The following NOS1AP variants were observed in gnomAD, a reference collection of about 807,000 sequenced individuals.
The protein encoded by NOS1AP is carboxyl-terminal PDZ ligand of neuronal nitric oxide synthase protein.
Under a neutral mutation model 56.2 loss-of-function variants are expected in NOS1AP, and 21 were observed. The observed-to-expected ratio is 0.37, with a 90% CI of 0.26 to 0.54. The LOEUF is 0.54. Among genes scored for constraint, NOS1AP ranks in the 20% least tolerant of loss-of-function variants. The probability of loss-of-function intolerance (pLI) is 0.84; values close to 1 mark genes in which losing one functional copy is unlikely to be tolerated. For synonymous variants in NOS1AP, 270 were observed against 274.6 expected, an observed-to-expected ratio of 0.98 and a Z score of 0.17; for missense variants, 522 against 657.8, an observed-to-expected ratio of 0.79 and a Z score of 2.26.
intron 2 of NOS1AP, among the ~76,000 whole-genome samples, chr1:162,267,865 T>C (rs12410644): frequency 0.25 from 37,985 of 152,112 alleles, 4,947 homozygotes; most frequent in East Asian, 0.39. Flanking sequence ...GAAGGGGCTA[T>C]TGATGGCAAG....
chr1:162,339,446 T>G (rs1657038810), intron 5 of NOS1AP, among the ~76,000 whole-genome samples: 1 of 152,114 alleles, frequency 6.6e-6, no homozygotes, highest in African/African-American at 2.4e-5. Context: ...GGCCAGATTT[T>G]GGAACTCAAA....
intron 2 of NOS1AP, among the ~76,000 whole-genome samples, chr1:162,252,519 C>T (rs1372261916): frequency 6.6e-6 from 1 of 152,126 alleles, no homozygotes; most frequent in Non-Finnish European, 1.5e-5. Context: ...GTGAGGTCAG[C>T]AAGCCCATTC....
intron 2 of NOS1AP, among the ~76,000 whole-genome samples, chr1:162,171,151 C>G (rs2102129626): frequency 6.6e-6 from 1 of 152,172 alleles, no homozygotes; most frequent in South Asian, 2.1e-4. Context: ...GCAAATACTC[C>G]AAGTGTGACT....
intron 2 of NOS1AP, among the ~76,000 whole-genome samples, chr1:162,204,401 A>G (rs1316875081): frequency 1.3e-5 from 2 of 152,196 alleles, no homozygotes; most frequent in Admixed American, 6.5e-5. Context: ...GACCAAATAG[A>G]TAGTCACTGA....
intron 5 of NOS1AP, chr1:162,342,510 A>G (rs1274409754): frequency 4.2e-6 from 2 of 473,158 alleles, no homozygotes; most frequent in South Asian, 3.1e-5. Flanking sequence ...CAGTTGTTCC[A>G]TGCACAGGGT....
intron 4 of NOS1AP, among the ~76,000 whole-genome samples, chr1:162,316,044 A>T (rs749794088): frequency 6.6e-6 from 1 of 152,232 alleles, no homozygotes; most frequent in East Asian, 1.9e-4. Context: ...AAACTTTTGC[A>T]CAATTCCCAG....
intron 3 of NOS1AP, among the ~76,000 whole-genome samples, chr1:162,294,222 A>AGGAAGGAG (rs1368335883): frequency 0.062 from 9,142 of 147,658 alleles, 569 homozygotes; most frequent in East Asian, 0.099. Context: ...GAAGGAAGGA[A>AGGAAGGAG]GGAAGAAAGA....
chr1:162,100,332 G>T (rs1302153565), intron 1 of NOS1AP, among the ~76,000 whole-genome samples: 1 of 152,054 alleles, frequency 6.6e-6, no homozygotes, highest in Admixed American at 6.5e-5. Flanking sequence ...ATTCTAACTG[G>T]TGTGAGATGG....
chr1:162,108,397 A>G (rs1409355850), intron 1 of NOS1AP, among the ~76,000 whole-genome samples: 1 of 152,202 alleles, frequency 6.6e-6, no homozygotes, highest in Non-Finnish European at 1.5e-5. Flanking sequence ...GTTTGTAGTG[A>G]TACTCAAGAA....
chr1:162,220,446 C>T (rs1652733376), intron 2 of NOS1AP, among the ~76,000 whole-genome samples: 1 of 152,006 alleles, frequency 6.6e-6, no homozygotes, highest in Admixed American at 6.5e-5. Flanking sequence ...GCGTATTGGA[C>T]CCATGCCTCC....
intron 2 of NOS1AP, among the ~76,000 whole-genome samples, chr1:162,155,122 G>A (rs1345133704): frequency 6.6e-6 from 1 of 151,648 alleles, no homozygotes; most frequent in Non-Finnish European, 1.5e-5. Flanking sequence ...GGGTGGGTAA[G>A]CGATGTGTTA....
intron 2 of NOS1AP, among the ~76,000 whole-genome samples, chr1:162,175,631 G>A (rs1651020639): frequency 6.6e-6 from 1 of 152,098 alleles, no homozygotes; most frequent in African/African-American, 2.4e-5. Context: ...GGTGGGGGCG[G>A]TCGGTTAGTT....
chr1:162,320,674 T>C (rs1448150984), intron 4 of NOS1AP, among the ~76,000 whole-genome samples: 3 of 152,016 alleles, frequency 2.0e-5, no homozygotes, highest in African/African-American at 7.3e-5. Context: ...GCCAACATGG[T>C]GAAACCCCGT....
intron 2 of NOS1AP, among the ~76,000 whole-genome samples, chr1:162,158,882 G>A (rs1411634845): frequency 2.0e-5 from 3 of 152,188 alleles, no homozygotes; most frequent in Non-Finnish European, 4.4e-5. Flanking sequence ...AAAAGGAAGG[G>A]GAAAGTGAGA....
rs1658135793 is a variant in NOS1AP, at chr1:162,367,433, T to C, written c.1487T>C (p.Leu496Pro). The C allele has an allele frequency of 1.3e-6, 2 of 1,579,710 alleles. No homozygotes were observed. Among genetic ancestry groups the C allele is most frequent in the Admixed American group, 1.8e-5 (1 of 56,558 alleles). Reference sequence around the variant, plus strand: ...CTGAATGTCCTGCAGAGGCAGGAACTGGGCGACGGCCTGGATGATGAGATC... The same window carrying C: ...CTGAATGTCCTGCAGAGGCAGGAACCGGGCGACGGCCTGGATGATGAGATC... ...RLLNVLQRQELGDGLDDEIAV is the reference protein window; with the variant it reads ...RLLNVLQRQEPGDGLDDEIAV Residue 496 changes from leucine to proline, a missense_variant, in exon 10 of 10, where the codon CTG becomes CCG. Physicochemically the swap from Leu to Pro is moderately conservative, Grantham distance 98. This residue lies in a region of NOS1AP where 160 missense variants were observed against 180.3 expected (regional missense o/e 0.89). Transcript: ENST00000361897. This position sits in a 1 kb window ranked among gnomAD's most constrained non-coding sequence, Gnocchi z 6.5.
intron 6 of NOS1AP, among the ~76,000 whole-genome samples, chr1:162,353,895 C>T (rs867628243): frequency 6.6e-6 from 1 of 152,202 alleles, no homozygotes; most frequent in Non-Finnish European, 1.5e-5. Context: ...CTGTGCTCCC[C>T]GCCTACTGGC....
intron 2 of NOS1AP, among the ~76,000 whole-genome samples, chr1:162,273,085 G>T (rs78675095): frequency 0.023 from 3,426 of 151,478 alleles, 51 homozygotes; most frequent in Middle Eastern, 0.065. Flanking sequence ...TGTCTGGGAA[G>T]ACTTCCCTTA....
intron 2 of NOS1AP, among the ~76,000 whole-genome samples, chr1:162,274,858 T>C (rs772141796): frequency 1.3e-5 from 2 of 152,250 alleles, no homozygotes; most frequent in Middle Eastern, 3.2e-3. Context: ...TTTCAATATA[T>C]CCCCTTTAAT....
intron 1 of NOS1AP, among the ~76,000 whole-genome samples, chr1:162,106,393 A>G (rs1045421746): frequency 6.6e-5 from 10 of 152,186 alleles, no homozygotes; most frequent in African/African-American, 2.4e-4. Flanking sequence ...TTCTCTGAGC[A>G]CCACGGACTG....
Sources: allele counts gnomAD v4.1 joint callset (sites outside exome capture counted in the v4.1 genomes callset), GRCh38; gene constraint gnomAD v4.1.1; regional missense constraint gnomAD v4.1.1; non-coding constraint Gnocchi (gnomAD v3.1); transcripts MANE v1.5; gene names NCBI Gene and HGNC (gene_info 2026-07-23, HGNC 2026-07-21).